The following SCNN1B variants were observed in gnomAD, a reference collection of about 807,000 sequenced individuals.
The protein encoded by SCNN1B is epithelial sodium channel subunit beta.
SCNN1B carries 46 observed loss-of-function variants against 65.3 expected under a neutral mutation model. The observed-to-expected ratio is 0.70, with a 90% CI of 0.56 to 0.90. The LOEUF is 0.90. Among genes scored for constraint, SCNN1B ranks in the 40% least tolerant of loss-of-function variants. The pLI, the probability that SCNN1B is intolerant of heterozygous loss-of-function variation, is 0.00. For synonymous variants in SCNN1B, 349 were observed against 330.6 expected (o/e 1.06, Z -0.60); for missense variants, 751 against 830.5 (o/e 0.90, Z 1.18).
intron 2 of SCNN1B, among the ~76,000 whole-genome samples, chr16:23,287,502 A>T (rs1477872843): frequency 1.3e-5 from 2 of 152,074 alleles, no homozygotes; most frequent in African/African-American, 4.8e-5. Context: ...ATTTGAGCCT[A>T]GGAGTTCAAG....
In SCNN1B at chr16:23,348,454, A is replaced by G. The variant is rs1596859699; in HGVS notation, c.-8-138A>G. 1.7e-6 allele frequency: 1 copy of G among 599,052 alleles called. No individual in the cohort carries two copies. Among genetic ancestry groups the G allele is most frequent in the Non-Finnish European group, 2.7e-6 (1 of 369,608 alleles). The allele number at this position is 599,052 out of a possible 1,614,324, so 37.1% of individuals were successfully genotyped here. The stretch of plus-strand genomic sequence containing the variant: ...AAGGAAGGAAGAAAAGAAGGAAAAA[A>G]GGGAGGGAGGGAGGGGGGAGGGTAA... On this transcript the variant is annotated intron_variant, in intron 1 of 12. Coordinates refer to ENST00000343070, the MANE Select transcript of SCNN1B (RefSeq NM_000336.3). This position sits in a 1 kb window ranked among gnomAD's most constrained non-coding sequence, Gnocchi z 4.5.
intron 2 of SCNN1B, among the ~76,000 whole-genome samples, chr16:23,349,618 T>C (rs1186594850): frequency 6.6e-6 from 1 of 152,136 alleles, no homozygotes; most frequent in Non-Finnish European, 1.5e-5. Context: ...GGCAGGCCAG[T>C]GCCTATTTAT....
intron 5 of SCNN1B, among the ~76,000 whole-genome samples, chr16:23,370,867 CA>C (rs2142038582): frequency 6.6e-6 from 1 of 152,204 alleles, no homozygotes; most frequent in East Asian, 1.9e-4. Context: ...GGTGAGGGAA[CA>C]GCACTCCAGA....
intron 1 of SCNN1B, among the ~76,000 whole-genome samples, chr16:23,314,790 C>T (rs898207141): frequency 5.3e-5 from 8 of 152,228 alleles, no homozygotes; most frequent in Non-Finnish European, 1.0e-4. Flanking sequence ...TTCAGGGCGC[C>T]ACATTCCCAG....
At position 23,358,042 on chromosome 16, in the gene SCNN1B, A is replaced by C. The variant is rs147017775; in HGVS notation, c.776+2553A>C. 4.6e-5 allele frequency among the ~76,000 whole-genome samples: 7 copies of C among 152,222 alleles called. No homozygotes were observed. In the East Asian group the frequency reaches 1.4e-3, roughly 29 times the overall value. On this transcript the variant is annotated intron_variant, in intron 4 of 12. Transcript: ENST00000343070. The stretch of plus-strand genomic sequence containing the variant: ...AAAGTGAACCTGCTGTCAACTCCCT[A>C]CCCATCCAACGGGATCCCAGTGTTC...
At chr16:23,377,104 G>T in intron 8 of SCNN1B, 61 bp from the exon 9 acceptor site, 2 of 1,456,338 alleles carry the variant, frequency 1.4e-6, no homozygotes, top group South Asian at 1.2e-5. Context: ...GCTCAGCAGG[G>T]AACAGGGGCA....
At chr16:23,316,453 C>A (rs1961467812) in intron 1 of SCNN1B, among the ~76,000 whole-genome samples, 1 of 151,256 alleles carries the variant, frequency 6.6e-6, no homozygotes, top group South Asian at 2.1e-4. Context: ...TCATCATCAT[C>A]ACCATCACCA....
intron 1 of SCNN1B, among the ~76,000 whole-genome samples, chr16:23,334,268 A>G (rs911202982): frequency 1.3e-5 from 2 of 152,072 alleles, no homozygotes; most frequent in African/African-American, 4.8e-5. Flanking sequence ...CCCATGACCC[A>G]CCCCGGAGAA....
rs771323073 is a variant in SCNN1B, at chr16:23,306,261, T to C, written c.-9+3824T>C. On this transcript the variant is annotated intron_variant, in intron 1 of 12. Coordinates refer to ENST00000343070, the MANE Select transcript of SCNN1B (RefSeq NM_000336.3). Reference sequence around the variant, plus strand: ...TCTGTCAAAAAAAAAAAAAAACCTATGTTTCAAGCAAATTGTTTAGCATTT... The same window carrying C: ...TCTGTCAAAAAAAAAAAAAAACCTACGTTTCAAGCAAATTGTTTAGCATTT... Among the ~76,000 whole-genome samples, 78 of 151,538 alleles carry C rather than the reference T, an allele frequency of 5.1e-4. 1 individual carries two copies. Among genetic ancestry groups the C allele is most frequent in the Admixed American group, 1.5e-3 (23 of 15,208 alleles).
intron 5 of SCNN1B, among the ~76,000 whole-genome samples, chr16:23,370,929 A>G (rs958224173): frequency 8.5e-5 from 13 of 152,240 alleles, no homozygotes; most frequent in African/African-American, 2.4e-4. Context: ...AAGGCATAGC[A>G]GGAGGAAGGC....
chr16:23,304,607 C>T (rs898785399), intron 1 of SCNN1B, among the ~76,000 whole-genome samples: 2 of 152,198 alleles, frequency 1.3e-5, no homozygotes, highest in Admixed American at 6.5e-5. Flanking sequence ...CCACGAACCA[C>T]GGACTGGCAG....
intron 2 of SCNN1B, among the ~76,000 whole-genome samples, chr16:23,295,814 A>G (rs1960989289): frequency 6.6e-6 from 1 of 152,210 alleles, no homozygotes; most frequent in Non-Finnish European, 1.5e-5. Flanking sequence ...GAACGTTCTC[A>G]GGGTTTCCAG....
At chr16:23,305,784 A>T (rs949730851) in intron 1 of SCNN1B, among the ~76,000 whole-genome samples, 4 of 150,822 alleles carry the variant, frequency 2.7e-5, no homozygotes, top group African/African-American at 9.7e-5. Context: ...AAAGCTGGCA[A>T]CTCTGGGCCA....
At chr16:23,329,000 G>C (rs1002869441) in intron 1 of SCNN1B, among the ~76,000 whole-genome samples, 1 of 151,982 alleles carries the variant, frequency 6.6e-6, no homozygotes, top group Non-Finnish European at 1.5e-5. Flanking sequence ...CGGTCACGCT[G>C]TCTTGCCCAG....
chr16:23,371,576 T>C, intron 6 of SCNN1B, 114 bp downstream of exon 6: 2 of 1,201,938 alleles, frequency 1.7e-6, no homozygotes, highest in Non-Finnish European at 1.2e-6. Context: ...AGCCCTGGCC[T>C]TCCTTCCTTT....
At chr16:23,284,716 A>G (rs2141967854) in intron 2 of SCNN1B, among the ~76,000 whole-genome samples, 1 of 152,330 alleles carries the variant, frequency 6.6e-6, no homozygotes, top group South Asian at 2.1e-4. Context: ...ACCATGTCAA[A>G]CTGGAGAGCA....
At chr16:23,321,595 A>T (rs1228243682) in intron 1 of SCNN1B, among the ~76,000 whole-genome samples, 1 of 152,170 alleles carries the variant, frequency 6.6e-6, no homozygotes, top group African/African-American at 2.4e-5. Context: ...GACCTTGGGC[A>T]GCTGTCTATG....
chr16:23,352,373 C>T (rs1160168054), intron 2 of SCNN1B, among the ~76,000 whole-genome samples: 2 of 152,188 alleles, frequency 1.3e-5, no homozygotes, highest in African/African-American at 2.4e-5. Context: ...TCAGTGTCAC[C>T]ACCCAAATAT....
chr16:23,373,509 C>CAGACCT (rs1962827358), intron 7 of SCNN1B, among the ~76,000 whole-genome samples: 1 of 152,164 alleles, frequency 6.6e-6, no homozygotes, highest in South Asian at 2.1e-4. Flanking sequence ...AGAGTTAACC[C>CAGACCT]AGACCTGCCA....
Sources: allele counts gnomAD v4.1 joint callset (sites outside exome capture counted in the v4.1 genomes callset), GRCh38; gene constraint gnomAD v4.1.1; non-coding constraint Gnocchi (gnomAD v3.1); transcripts MANE v1.5; gene names NCBI Gene and HGNC (gene_info 2026-07-23, HGNC 2026-07-21).